MEGF10: variants seen among roughly 807,000 people sequenced by gnomAD.
MEGF10 encodes multiple EGF like domains 10.
Under a neutral mutation model 147.5 loss-of-function variants are expected in MEGF10, and 86 were observed. The observed-to-expected ratio is 0.58, with a 90% CI of 0.49 to 0.70. MEGF10 has a LOEUF of 0.70. Among genes scored for constraint, MEGF10 ranks in the 30% least tolerant of loss-of-function variants. MEGF10 has a pLI of 0.00. For synonymous variants in MEGF10, 478 were observed against 525.5 expected, an observed-to-expected ratio of 0.91 and a Z score of 1.24; for missense variants, 1,329 against 1,487.3, an observed-to-expected ratio of 0.89 and a Z score of 1.75.
At chr5:127,437,448 T>G (rs1434009026) in intron 16 of MEGF10, among the ~76,000 whole-genome samples, 1 of 152,216 alleles carries the variant, frequency 6.6e-6, no homozygotes, top group African/African-American at 2.4e-5. Context: ...ATTTTTTTCA[T>G]TTAAAAAGTT....
the MEGF10 span, among the ~76,000 whole-genome samples, chr5:127,236,148 T>C: frequency 1.3e-5 from 2 of 152,164 alleles, no homozygotes; most frequent in Non-Finnish European, 2.9e-5. Context: ...AATTTTTGTA[T>C]TTTTAGTAGA....
At chr5:127,284,141 C>T in the MEGF10 span, among the ~76,000 whole-genome samples, 1 of 152,144 alleles carries the variant, frequency 6.6e-6, no homozygotes, top group Non-Finnish European at 1.5e-5. Flanking sequence ...TTTTCAAAAA[C>T]CTGGACAAGA....
intron 8 of MEGF10, among the ~76,000 whole-genome samples, chr5:127,409,260 A>G (rs1186544507): frequency 6.6e-6 from 1 of 152,204 alleles, no homozygotes; most frequent in Admixed American, 6.5e-5. Flanking sequence ...CTTACTGCTC[A>G]CATGATACAG....
At chr5:127,446,318 A>G (rs1393915204) in intron 20 of MEGF10, among the ~76,000 whole-genome samples, 1 of 152,226 alleles carries the variant, frequency 6.6e-6, no homozygotes, top group Non-Finnish European at 1.5e-5. Context: ...TAAAATCTTT[A>G]TTACTTTTTG....
the MEGF10 span, among the ~76,000 whole-genome samples, chr5:127,236,339 A>G: frequency 6.6e-6 from 1 of 152,212 alleles, no homozygotes; most frequent in African/African-American, 2.4e-5. Flanking sequence ...ACACTCTGCC[A>G]TAACTATTGA....
At position 127,410,538 on chromosome 5, in the gene MEGF10, C is replaced by T; in HGVS notation, c.1067C>T (p.Pro356Leu). 6.2e-7 allele frequency: 1 copy of T among 1,613,448 alleles called. No homozygotes were observed. Among genetic ancestry groups the T allele is most frequent in the Non-Finnish European group, 8.5e-7 (1 of 1,180,014 alleles). The change falls in exon 9 of 25, where the codon CCT (proline) becomes CTT (leucine). Residue 356 changes from proline (P) to leucine (L), a missense_variant. Physicochemically the swap from Pro to Leu is moderately conservative, Grantham distance 98 (BLOSUM62 -3). Coordinates refer to ENST00000503335, the MANE Select transcript of MEGF10 (RefSeq NM_001256545.2). ...GAGCGCTGCGAAGCACGCCTGTGTC[C>T]TGAGGGGCTCTACGGCATCAAATGT... ...AGERCEARLC[P>L]EGLYGIKCDK...
intron 9 of MEGF10, among the ~76,000 whole-genome samples, chr5:127,415,574 G>A (rs2126962523): frequency 6.6e-6 from 1 of 152,188 alleles, no homozygotes; most frequent in African/African-American, 2.4e-5. Context: ...AGTTAGAATG[G>A]TTAAATTCTA....
the MEGF10 span, among the ~76,000 whole-genome samples, chr5:127,233,287 G>A: frequency 1.3e-5 from 2 of 152,150 alleles, no homozygotes; most frequent in Non-Finnish European, 2.9e-5. Context: ...CAGGCCCCTT[G>A]ATGATTGTGG....
the MEGF10 span, among the ~76,000 whole-genome samples, chr5:127,250,088 G>C: frequency 6.6e-6 from 1 of 151,894 alleles, no homozygotes; most frequent in East Asian, 1.9e-4. Flanking sequence ...CTTTTTGGGG[G>C]CCCATTTAAA....
chr5:127,237,132 T>TA, the MEGF10 span, among the ~76,000 whole-genome samples: 70 of 151,642 alleles, frequency 4.6e-4, no homozygotes, highest in South Asian at 4.2e-3. Flanking sequence ...AGTCAGTTTT[T>TA]AAAAAAAAAG....
the MEGF10 span, among the ~76,000 whole-genome samples, chr5:127,244,441 A>G: frequency 6.6e-6 from 1 of 152,094 alleles, no homozygotes. Context: ...GTATGGATGA[A>G]TGAAAGCAAT....
intron 5 of MEGF10, among the ~76,000 whole-genome samples, chr5:127,387,321 T>C (rs1561611613): frequency 6.6e-6 from 1 of 152,214 alleles, no homozygotes; most frequent in Non-Finnish European, 1.5e-5. Flanking sequence ...CTCCATGTGT[T>C]CAAAGACTTT....
chr5:127,239,475 TA>T, the MEGF10 span, among the ~76,000 whole-genome samples: 97 of 137,538 alleles, frequency 7.1e-4, 2 homozygotes, highest in African/African-American at 2.4e-3. Flanking sequence ...TATATATATA[TA>T]ATATATATAC....
the MEGF10 span, among the ~76,000 whole-genome samples, chr5:127,231,568 T>C: frequency 6.6e-6 from 1 of 152,266 alleles, no homozygotes; most frequent in Non-Finnish European, 1.5e-5. Flanking sequence ...TATCACCATC[T>C]ATAATCTTCT....
the MEGF10 span, among the ~76,000 whole-genome samples, chr5:127,231,403 A>G: frequency 6.6e-6 from 1 of 152,082 alleles, no homozygotes; most frequent in Non-Finnish European, 1.5e-5. Context: ...TAGGGATGTG[A>G]TGCCGGAAAC....
At chr5:127,405,055 A>G (rs1343829997) in intron 8 of MEGF10, among the ~76,000 whole-genome samples, 1 of 152,120 alleles carries the variant, frequency 6.6e-6, no homozygotes, top group Non-Finnish European at 1.5e-5. Flanking sequence ...CTAGGGTTGT[A>G]AGGATTAAAT....
At position 127,440,727 on chromosome 5, in the gene MEGF10, C is replaced by A. The variant is rs1561648713; in HGVS notation, c.2234-12C>A. 6.2e-7 allele frequency: 1 copy of A among 1,613,380 alleles called. No homozygotes were observed. The highest frequency in any genetic ancestry group is 8.5e-7 in the Non-Finnish European group (1 of 1,179,684). ...AGCCTCTTGACTCCTACTGTCCTCC[C>A]TCCTCCCACAGGATGTCCTCTAGGG... On this transcript the variant is annotated splice_polypyrimidine_tract_variant and intron_variant, in intron 17 of 24. Transcript: ENST00000503335.
At chr5:127,289,025 T>C (rs1453882250), upstream of MEGF10, among the ~76,000 whole-genome samples, 3 of 152,160 alleles carry the variant, frequency 2.0e-5, no homozygotes, top group African/African-American at 7.2e-5. Flanking sequence ...AAGACAAATC[T>C]AATCTGTAGT....
At chr5:127,450,949 G>A (rs1278774388) in intron 22 of MEGF10, among the ~76,000 whole-genome samples, 1 of 152,020 alleles carries the variant, frequency 6.6e-6, no homozygotes, top group Admixed American at 6.6e-5. Context: ...AGTAGAGACA[G>A]GGTTTCTCCA....
Sources: gnomAD v4.1 joint callset for allele counts (sites outside exome capture counted in the v4.1 genomes callset) on GRCh38, gnomAD v4.1.1 for gene constraint, MANE v1.5 for transcripts, NCBI Gene and HGNC (gene_info 2026-07-23, HGNC 2026-07-21) for gene names.